ADAMTSL1: variants seen among roughly 807,000 people sequenced by gnomAD.
ADAMTSL1 encodes ADAMTS like 1.
A neutral mutation model predicts 201.8 loss-of-function variants in ADAMTSL1; 126 were observed. The observed-to-expected ratio is 0.62, with a 90% CI of 0.54 to 0.72. ADAMTSL1 has a LOEUF of 0.72. Among genes scored for constraint, ADAMTSL1 ranks in the 30% least tolerant of loss-of-function variants. The probability of loss-of-function intolerance (pLI) is 0.00; values close to 1 mark genes in which losing one functional copy is unlikely to be tolerated. For missense variants in ADAMTSL1, 2,679 were observed against 2,277.8 expected (o/e 1.18, Z -3.59); for synonymous variants, 1,121 against 903.4 (o/e 1.24, Z -4.32).
intron 1 of ADAMTSL1, among the ~76,000 whole-genome samples, chr9:18,138,425 C>A (rs1328002508): frequency 2.6e-5 from 4 of 152,026 alleles, no homozygotes; most frequent in Non-Finnish European, 5.9e-5. Flanking sequence ...TAGGGAGTAA[C>A]GAACTTGAGG....
intron 3 of ADAMTSL1, among the ~76,000 whole-genome samples, chr9:18,539,728 A>G (rs946856361): frequency 9.2e-5 from 14 of 152,238 alleles, no homozygotes; most frequent in Non-Finnish European, 1.6e-4. Flanking sequence ...GATGTAGTAC[A>G]GGCACACACA....
chr9:18,451,692 A>G (rs187594031), intron 2 of ADAMTSL1, among the ~76,000 whole-genome samples: 6 of 152,342 alleles, frequency 3.9e-5, no homozygotes, highest in Non-Finnish European at 8.8e-5. Context: ...GTTCTTCTTC[A>G]AGCCTGAAAA....
chr9:18,268,145 G>A (rs1465149443), intron 2 of ADAMTSL1, among the ~76,000 whole-genome samples: 1 of 152,106 alleles, frequency 6.6e-6, no homozygotes, highest in African/African-American at 2.4e-5. Flanking sequence ...TATGCTATAT[G>A]TTTAGAATGC....
At chr9:18,738,475 A>T (rs1462422934) in intron 15 of ADAMTSL1, among the ~76,000 whole-genome samples, 1 of 152,202 alleles carries the variant, frequency 6.6e-6, no homozygotes, top group African/African-American at 2.4e-5. Flanking sequence ...GTAATTTAGT[A>T]TAAAGGAATG....
At chr9:18,663,587 A>T (rs1384521308) in intron 9 of ADAMTSL1, among the ~76,000 whole-genome samples, 1 of 152,138 alleles carries the variant, frequency 6.6e-6, no homozygotes, top group Non-Finnish European at 1.5e-5. Flanking sequence ...CAGTTATCCT[A>T]ATTCAGACAG....
chr9:18,393,569 G>A (rs956759387), intron 2 of ADAMTSL1, among the ~76,000 whole-genome samples: 11 of 152,204 alleles, frequency 7.2e-5, no homozygotes, highest in African/African-American at 2.7e-4. Context: ...AGACAGTGTG[G>A]TGGTCATTGA....
chr9:17,986,874 G>C (rs902742718), intron 1 of ADAMTSL1, among the ~76,000 whole-genome samples: 1 of 152,072 alleles, frequency 6.6e-6, no homozygotes, highest in Non-Finnish European at 1.5e-5. Context: ...GTTGGGGGGA[G>C]ATTATAAAGG....
intron 23 of ADAMTSL1, among the ~76,000 whole-genome samples, chr9:18,876,263 G>C (rs904264247): frequency 6.8e-6 from 1 of 146,142 alleles, no homozygotes; most frequent in African/African-American, 2.6e-5. Context: ...GAGAGGTGTG[G>C]TACTATTCTA....
intron 8 of ADAMTSL1, among the ~76,000 whole-genome samples, chr9:18,661,511 A>C (rs888631536): frequency 6.6e-6 from 1 of 152,108 alleles, no homozygotes; most frequent in Non-Finnish European, 1.5e-5. Flanking sequence ...TTGTTTATCT[A>C]TTTGGGAGTT....
chr9:18,878,314 C>G (rs1370759473), intron 23 of ADAMTSL1, among the ~76,000 whole-genome samples: 1 of 152,220 alleles, frequency 6.6e-6, no homozygotes, highest in African/African-American at 2.4e-5. Flanking sequence ...GTCCAGGAAA[C>G]TTCATATCCA....
intron 20 of ADAMTSL1, among the ~76,000 whole-genome samples, chr9:18,804,087 C>G (rs1244487841): frequency 6.6e-6 from 1 of 152,134 alleles, no homozygotes; most frequent in Non-Finnish European, 1.5e-5. Flanking sequence ...AATAGCTGCT[C>G]TCTTGGGTCT....
intron 1 of ADAMTSL1, among the ~76,000 whole-genome samples, chr9:18,116,488 T>G (rs1245120948): frequency 6.6e-6 from 1 of 152,180 alleles, no homozygotes; most frequent in Non-Finnish European, 1.5e-5. Flanking sequence ...CACACATATT[T>G]GCCTGTCAGA....
intron 14 of ADAMTSL1, 53 bp downstream of exon 14, chr9:18,707,101 C>G (rs146747097): frequency 3.2e-5 from 51 of 1,570,336 alleles, no homozygotes; most frequent in Non-Finnish European, 4.1e-5. Flanking sequence ...CTCATTTTCT[C>G]TCTCTGCATG....
intron 1 of ADAMTSL1, among the ~76,000 whole-genome samples, chr9:18,096,013 T>A (rs1378965814): frequency 6.6e-6 from 1 of 152,208 alleles, no homozygotes; most frequent in East Asian, 1.9e-4. Flanking sequence ...CTTTCCTTCA[T>A]TTCTGGTTGT....
At chr9:18,624,976 C>T (rs1826264878) in intron 5 of ADAMTSL1, among the ~76,000 whole-genome samples, 1 of 152,148 alleles carries the variant, frequency 6.6e-6, no homozygotes, top group African/African-American at 2.4e-5. Context: ...TGCACCTCAC[C>T]ACAATCTATA....
At chr9:17,948,992 A>T (rs901640644) in intron 1 of ADAMTSL1, among the ~76,000 whole-genome samples, 1 of 152,208 alleles carries the variant, frequency 6.6e-6, no homozygotes, top group African/African-American at 2.4e-5. Context: ...ATAGCTAGTT[A>T]AAAAATATCT....
intron 1 of ADAMTSL1, among the ~76,000 whole-genome samples, chr9:18,051,169 CGG>C (rs1821920030): frequency 6.6e-6 from 1 of 152,016 alleles, no homozygotes; most frequent in Non-Finnish European, 1.5e-5. Context: ...GGTGTGGTGG[CGG>C]GCGCCTGTAG....
intron 2 of ADAMTSL1, among the ~76,000 whole-genome samples, chr9:18,168,461 T>G (rs1299823548): frequency 6.6e-6 from 1 of 152,030 alleles, no homozygotes; most frequent in Non-Finnish European, 1.5e-5. Context: ...GAACTCATCA[T>G]TTTTTATGGC....
At chr9:18,579,342 T>G in intron 4 of ADAMTSL1, among the ~76,000 whole-genome samples, 1 of 88,996 alleles carries the variant, frequency 1.1e-5, no homozygotes, top group African/African-American at 4.5e-5. Flanking sequence ...CTGGGGACTG[T>G]GGTGGGGAGG....
Sources: gnomAD v4.1 joint callset for allele counts (sites outside exome capture counted in the v4.1 genomes callset) on GRCh38, gnomAD v4.1.1 for gene constraint, MANE v1.5 for transcripts, NCBI Gene and HGNC (gene_info 2026-07-23, HGNC 2026-07-21) for gene names.